TACC1: variants seen among roughly 807,000 people sequenced by gnomAD.
The protein encoded by TACC1 is transforming acidic coiled-coil-containing protein 1.
In TACC1, 48 loss-of-function variants were observed where a neutral mutation model predicts 84.4. That is an observed-to-expected ratio of 0.57 (90% CI 0.45 to 0.72). The LOEUF is 0.72. Ranked by LOEUF, TACC1 falls within the 30% of genes least tolerant of loss-of-function variation. The pLI, the probability that TACC1 is intolerant of heterozygous loss-of-function variation, is 0.00. For missense variants in TACC1, 920 were observed against 973.0 expected (o/e 0.95, Z 0.72); for synonymous variants, 372 against 376.3 (o/e 0.99, Z 0.13).
chr8:38,800,071 G>T (rs1006991748), intron 2 of TACC1, among the ~76,000 whole-genome samples: 15 of 152,308 alleles, frequency 9.8e-5, no homozygotes, highest in African/African-American at 3.6e-4. Context: ...TAAGGTGGGA[G>T]GATCACTTGA....
At position 38,730,246 on chromosome 8, in the gene TACC1, G is replaced by T. The variant is rs1804656272; in HGVS notation, c.-675+1575G>T. Among the ~76,000 whole-genome samples the T allele has an allele frequency of 2.0e-5, 3 of 152,190 alleles. No individual in the cohort carries two copies. The South Asian group carries it at 6.2e-4, about 32-fold the overall frequency. On this transcript the variant is annotated intron_variant, in intron 1 of 14. Coordinates refer to the TACC1 transcript ENST00000518415. ...TTCTGCCCTAGGGAACCCGCTGGAG[G>T]TGGGAGTGCCAACAAGGCTCAGCGA... is the stretch of plus-strand genomic sequence containing the variant.
chr8:38,796,096 G>GT (rs1337563993), intron 2 of TACC1, among the ~76,000 whole-genome samples: 1 of 152,136 alleles, frequency 6.6e-6, no homozygotes, highest in Non-Finnish European at 1.5e-5. Context: ...TGTTTCAGCC[G>GT]TATTTATTTA....
At chr8:38,785,278 C>T (rs1816914294), upstream of TACC1, among the ~76,000 whole-genome samples, 1 of 152,166 alleles carries the variant, frequency 6.6e-6, no homozygotes, top group South Asian at 2.1e-4. Flanking sequence ...TTCCCCAGGA[C>T]ACTTAGTGAA....
rs187710856 is a variant in TACC1, at chr8:38,852,312, G to C, written c.*4289G>C. On this transcript the variant is annotated 3_prime_UTR_variant, in exon 13 of 13. Coordinates refer to ENST00000317827, the MANE Select transcript of TACC1 (RefSeq NM_006283.3). The stretch of plus-strand genomic sequence containing the variant: ...CTAATATGGAGATGTTGTGTGCAAT[G>C]CTGGCCTGTGGTGGTCTGTGTAATG... 4.8e-6 allele frequency: 1 copy of C among 206,916 alleles called. No homozygotes were observed. The highest frequency in any genetic ancestry group is 2.3e-5 in the African/African-American group (1 of 43,094). The allele number at this position is 206,916 out of a possible 1,614,324, so 12.8% of individuals were successfully genotyped here.
In TACC1 at chr8:38,743,546, G is replaced by A. The variant is rs144526106; in HGVS notation, c.-574+1095G>A. ...ATCTATAGAGTAGGGTGAAATGATT[G>A]CTGGCAAGGCTGCCAAGAAATACAG... On this transcript the variant is annotated intron_variant, in intron 2 of 14. Coordinates refer to the TACC1 transcript ENST00000518415. Among the ~76,000 whole-genome samples, 133 of 152,274 alleles carry A rather than the reference G, an allele frequency of 8.7e-4. 2 individuals carry two copies. The highest frequency in any genetic ancestry group is 3.0e-3 in the African/African-American group (126 of 41,548).
intron 1 of TACC1, among the ~76,000 whole-genome samples, chr8:38,734,876 C>G (rs777316682): frequency 6.6e-6 from 1 of 152,264 alleles, no homozygotes; most frequent in Non-Finnish European, 1.5e-5. Context: ...GGCCTGTCTC[C>G]TTGTCTCTCA....
At chr8:38,813,130 T>C (rs1402248770) in intron 2 of TACC1, among the ~76,000 whole-genome samples, 1 of 152,244 alleles carries the variant, frequency 6.6e-6, no homozygotes, top group Non-Finnish European at 1.5e-5. Flanking sequence ...ATCATGTTTC[T>C]TAGTTTTCTA....
Position 38,848,168 on chromosome 8 carries a change from G to A in TACC1, c.*145G>A, listed in dbSNP as rs547258198. 2.2e-4 allele frequency: 153 copies of A among 701,394 alleles called. No individual in the cohort carries two copies. Among genetic ancestry groups the A allele is most frequent in the Middle Eastern group, 1.2e-3 (5 of 4,026 alleles). The allele number at this position is 701,394 out of a possible 1,614,324, so 43.4% of individuals were successfully genotyped here. On this transcript the variant is annotated 3_prime_UTR_variant, in exon 13 of 13. Coordinates refer to ENST00000317827, the MANE Select transcript of TACC1 (RefSeq NM_006283.3). ...GCACATGCCTACTGCTGCCTGTCCC[G>A]CTTTGCTGCCAATGCAACAGCCCTG...
chr8:38,802,965 G>T (rs1821753029), intron 2 of TACC1, among the ~76,000 whole-genome samples: 1 of 151,940 alleles, frequency 6.6e-6, no homozygotes, highest in African/African-American at 2.4e-5. Context: ...AGATTTGCAG[G>T]GGACAAATAT....
chr8:38,787,241 C>A lies in TACC1; in HGVS notation c.-342C>A, dbSNP rs1471297970. 9.8e-7 allele frequency: 1 copy of A among 1,015,316 alleles called. No homozygotes were observed. Among genetic ancestry groups the A allele is most frequent in the South Asian group, 4.6e-5 (1 of 21,686 alleles). The allele number at this position is 1,015,316 out of a possible 1,614,324, so 62.9% of individuals were successfully genotyped here. A position where few individuals can be genotyped will look rare whatever the true frequency, so the allele number is the denominator to read the frequency against. On this transcript the variant is annotated 5_prime_UTR_variant, in exon 1 of 13. Coordinates refer to ENST00000317827, the MANE Select transcript of TACC1 (RefSeq NM_006283.3). The stretch of plus-strand genomic sequence containing the variant: ...CCCCGCCGGCCGGGAGGCGGGAGTC[C>A]GCGAGCCGGGAGCGGGAGCAGCAGA...
chr8:38,789,752 T>A (rs1818201186), intron 2 of TACC1, among the ~76,000 whole-genome samples: 1 of 152,082 alleles, frequency 6.6e-6, no homozygotes, highest in Non-Finnish European at 1.5e-5. Context: ...AGGAGTGGCA[T>A]CTGCAAAGGT....
chr8:38,729,072 A>T lies in TACC1; in HGVS notation c.-675+401A>T, dbSNP rs1050084432. 2.3e-5 allele frequency among the ~76,000 whole-genome samples: 3 copies of T among 130,010 alleles called. No individual in the cohort carries two copies. In the Admixed American group the frequency reaches 2.4e-4, roughly 10 times the overall value. The allele number at this position is 130,010 out of a possible 152,430, so 85.3% of individuals were successfully genotyped here. A position where few individuals can be genotyped will look rare whatever the true frequency, so the allele number is the denominator to read the frequency against. On this transcript the variant is annotated intron_variant, in intron 1 of 14. Coordinates refer to the TACC1 transcript ENST00000518415. ...CCCAGGAGCAGTCATAAATACCTTC[A>T]TCTGGGAATAGATTCGGGGAGAAGT...
intron 3 of TACC1, among the ~76,000 whole-genome samples, chr8:38,824,343 C>G (rs972002050): frequency 3.3e-5 from 5 of 152,152 alleles, no homozygotes; most frequent in Admixed American, 6.5e-5. Flanking sequence ...AGGGACTGTT[C>G]TGCTATTTAA....
At chr8:38,766,091 G>T (rs1812198570) in intron 3 of TACC1, among the ~76,000 whole-genome samples, 2 of 152,186 alleles carry the variant, frequency 1.3e-5, no homozygotes. Flanking sequence ...AATGGCAAAT[G>T]ATGAACCACT....
chr8:38,766,738 C>G (rs563515820), intron 3 of TACC1, among the ~76,000 whole-genome samples: 1 of 152,164 alleles, frequency 6.6e-6, no homozygotes, highest in Non-Finnish European at 1.5e-5. Flanking sequence ...ACATTATTAT[C>G]TGCATTTTAC....
chr8:38,772,915 TATTG>T (rs2151899401), intron 3 of TACC1, among the ~76,000 whole-genome samples: 1 of 152,266 alleles, frequency 6.6e-6, no homozygotes, highest in East Asian at 1.9e-4. Flanking sequence ...TACTCACCTC[TATTG>T]ATTAAGGTTT....
chr8:38,828,253 A>G (rs1207789491), intron 5 of TACC1, among the ~76,000 whole-genome samples: 2 of 152,214 alleles, frequency 1.3e-5, no homozygotes, highest in African/African-American at 4.8e-5. Flanking sequence ...TCACTTCTTC[A>G]GAGAAACAAA....
intron 12 of TACC1, among the ~76,000 whole-genome samples, chr8:38,847,223 G>A (rs1351528777): frequency 6.6e-6 from 1 of 152,148 alleles, no homozygotes; most frequent in Non-Finnish European, 1.5e-5. Context: ...TAGGTGTTAG[G>A]TAATGTCTGG....
intron 2 of TACC1, among the ~76,000 whole-genome samples, chr8:38,806,763 C>G (rs1046720520): frequency 6.6e-5 from 10 of 152,176 alleles, no homozygotes; most frequent in Non-Finnish European, 5.9e-5. Flanking sequence ...TACCAGTTCT[C>G]TGATTCTCCA....
Sources: allele counts gnomAD v4.1 joint callset (sites outside exome capture counted in the v4.1 genomes callset), GRCh38; gene constraint gnomAD v4.1.1; transcripts MANE v1.5; gene names NCBI Gene and HGNC (gene_info 2026-07-23, HGNC 2026-07-21).